SERINC5: variants seen among roughly 807,000 people sequenced by gnomAD.
SERINC5 encodes chromosome 5 open reading frame 12.
A neutral mutation model predicts 63.1 loss-of-function variants in SERINC5; 41 were observed. That is an observed-to-expected ratio of 0.65 (90% CI 0.51 to 0.84). SERINC5 has a LOEUF of 0.84. Among genes scored for constraint, SERINC5 ranks in the 40% least tolerant of loss-of-function variants. The pLI is 0.00. For synonymous variants in SERINC5, 222 were observed against 215.2 expected, an observed-to-expected ratio of 1.03 and a Z score of -0.28; for missense variants, 523 against 573.0, an observed-to-expected ratio of 0.91 and a Z score of 0.89.
At chr5:80,221,762 G>A (rs140049345) in intron 1 of SERINC5, among the ~76,000 whole-genome samples, 182 of 150,096 alleles carry the variant, frequency 1.2e-3, no homozygotes, top group African/African-American at 4.2e-3. Context: ...GCACTCCATT[G>A]GTCTACATTA....
chr5:80,206,768 C>G (rs1416472889), intron 1 of SERINC5, among the ~76,000 whole-genome samples: 1 of 150,452 alleles, frequency 6.6e-6, no homozygotes, highest in Non-Finnish European at 1.5e-5. Context: ...TTCTCTGGGT[C>G]CTGCCTCCTG....
chr5:80,129,584 T>C (rs948088561), intron 11 of SERINC5, among the ~76,000 whole-genome samples: 10 of 152,184 alleles, frequency 6.6e-5, no homozygotes, highest in African/African-American at 2.4e-4. Context: ...GCTGGAATTA[T>C]AGGCATGAGC....
chr5:80,184,796 A>T (rs551698910), intron 2 of SERINC5, among the ~76,000 whole-genome samples: 4 of 152,202 alleles, frequency 2.6e-5, no homozygotes, highest in Admixed American at 6.5e-5. Flanking sequence ...GGGTGAAAGG[A>T]ATGTGCCTGC....
intron 11 of SERINC5, among the ~76,000 whole-genome samples, chr5:80,127,397 G>C (rs1030789064): frequency 6.6e-6 from 1 of 152,182 alleles, no homozygotes; most frequent in East Asian, 1.9e-4. Flanking sequence ...AATACAGACT[G>C]CTGGTCCCAG....
In SERINC5 at chr5:80,181,753, C is replaced by T. The variant is rs571016943; in HGVS notation, c.196-3689G>A. 1.6e-4 allele frequency among the ~76,000 whole-genome samples: 25 copies of T among 152,196 alleles called. No individual in the cohort carries two copies. The South Asian group carries it at 5.2e-3, about 32-fold the overall frequency. ...TAAGTAGATAAACAAGCACAGTCTT[C>T]AACTATCAGTCCTCACTGGAGGACT... On this transcript the variant is annotated intron_variant, in intron 2 of 11. Transcript: ENST00000507668.
chr5:80,156,837 T>C (rs556371859), intron 8 of SERINC5, among the ~76,000 whole-genome samples: 5 of 152,218 alleles, frequency 3.3e-5, no homozygotes, highest in African/African-American at 1.2e-4. Flanking sequence ...CTGCTAGAAA[T>C]AGTGAGAAAA....
intron 11 of SERINC5, among the ~76,000 whole-genome samples, chr5:80,144,497 C>T (rs1477720344): frequency 6.6e-6 from 1 of 152,208 alleles, no homozygotes; most frequent in Non-Finnish European, 1.5e-5. Flanking sequence ...TTCTCCACTT[C>T]CTCGACATTT....
At chr5:80,234,521 C>A (rs1290129674) in intron 1 of SERINC5, among the ~76,000 whole-genome samples, 2 of 152,152 alleles carry the variant, frequency 1.3e-5, no homozygotes, top group East Asian at 3.8e-4. Context: ...TACCACCACT[C>A]CCACCACAAA....
chr5:80,155,937 G>C lies in SERINC5; in HGVS notation c.986+2899C>G, dbSNP rs138756890. On this transcript the variant is annotated intron_variant, in intron 8 of 11. Coordinates refer to ENST00000507668, the MANE Select transcript of SERINC5 (RefSeq NM_001174072.3). The stretch of plus-strand genomic sequence containing the variant: ...GGTTTGGGTTGAGCCCTTCTTCTGA[G>C]CTGAGGCTACAAACATTAAAACATA... Among the ~76,000 whole-genome samples the C allele has an allele frequency of 3.5e-3, 535 of 152,078 alleles. 4 individuals carry two copies. Among genetic ancestry groups the C allele is most frequent in the African/African-American group, 0.012 (500 of 41,466 alleles).
At chr5:80,217,575 C>A (rs1175405779) in intron 1 of SERINC5, among the ~76,000 whole-genome samples, 1 of 152,186 alleles carries the variant, frequency 6.6e-6, no homozygotes, top group African/African-American at 2.4e-5. Flanking sequence ...GAGCTCTTCT[C>A]CCCACCAAAC....
chr5:80,255,882 C>T lies in SERINC5; in HGVS notation c.27+14G>A, dbSNP rs1237472632. On this transcript the variant is annotated intron_variant, in intron 1 of 11. Transcript: ENST00000507668. Reference sequence around the variant, plus strand: ...CGATCTGACAACCCCCGCGCTGCGCCCGGCCTCGCTCACCTGGCCCGCACA... The same window carrying T: ...CGATCTGACAACCCCCGCGCTGCGCTCGGCCTCGCTCACCTGGCCCGCACA... 1.3e-6 allele frequency: 2 copies of T among 1,590,042 alleles called. No homozygotes were observed. Among genetic ancestry groups the T allele is most frequent in the African/African-American group, 1.4e-5 (1 of 72,368 alleles).
At chr5:80,117,368 G>A (rs1354888630) in intron 11 of SERINC5, among the ~76,000 whole-genome samples, 2 of 152,188 alleles carry the variant, frequency 1.3e-5, no homozygotes, top group East Asian at 1.9e-4. Flanking sequence ...GCTTAACTGA[G>A]GTGATCTAGG....
At chr5:80,212,304 C>T (rs750026706) in intron 1 of SERINC5, among the ~76,000 whole-genome samples, 9 of 152,106 alleles carry the variant, frequency 5.9e-5, no homozygotes, top group Non-Finnish European at 1.0e-4. Context: ...GGTTATAGTA[C>T]CAAGGTAATA....
intron 8 of SERINC5, among the ~76,000 whole-genome samples, chr5:80,152,942 A>G (rs1746279514): frequency 6.6e-6 from 1 of 152,208 alleles, no homozygotes; most frequent in South Asian, 2.1e-4. Context: ...ACTCTGTCTC[A>G]AAAAGAAAAA....
At chr5:80,250,513 T>C (rs1399745585) in intron 1 of SERINC5, among the ~76,000 whole-genome samples, 1 of 152,200 alleles carries the variant, frequency 6.6e-6, no homozygotes, top group Non-Finnish European at 1.5e-5. Context: ...AGTTAATTTT[T>C]ATATTTTTAG....
In SERINC5 at chr5:80,166,741, T is replaced by A. The variant is rs551172763; in HGVS notation, c.764-263A>T. 357 of 308,456 alleles carry A rather than the reference T, an allele frequency of 1.2e-3. 1 individual carries two copies. Among genetic ancestry groups the A allele is most frequent in the Non-Finnish European group, 2.0e-3 (325 of 160,960 alleles). 19.1% of individuals were successfully genotyped at this position (308,456 alleles called of 1,614,324 possible). ...ATCTACCAATACTTTATCAAGCCTA[T>A]GGCTACACTTAAAACACACTAACTA... is the stretch of plus-strand genomic sequence containing the variant. On this transcript the variant is annotated intron_variant, in intron 6 of 11. Coordinates refer to ENST00000507668, the MANE Select transcript of SERINC5 (RefSeq NM_001174072.3).
intron 7 of SERINC5, among the ~76,000 whole-genome samples, chr5:80,160,249 C>T (rs1746796754): frequency 6.6e-6 from 1 of 152,168 alleles, no homozygotes; most frequent in Non-Finnish European, 1.5e-5. Context: ...TCACAGAAAC[C>T]TTCTGTGTTG....
At chr5:80,224,817 G>A (rs1751091002) in intron 1 of SERINC5, among the ~76,000 whole-genome samples, 1 of 151,928 alleles carries the variant, frequency 6.6e-6, no homozygotes, top group Non-Finnish European at 1.5e-5. Flanking sequence ...GTAGAGACGG[G>A]GTTTCACCAT....
At chr5:80,111,881 A>G (rs1385297870) in intron 12 of SERINC5, among the ~76,000 whole-genome samples, 1 of 152,186 alleles carries the variant, frequency 6.6e-6, no homozygotes, top group African/African-American at 2.4e-5. Context: ...TGTTGTATGG[A>G]ATTAAGGTTT....
Sources: gnomAD v4.1 joint callset for allele counts (sites outside exome capture counted in the v4.1 genomes callset) on GRCh38, gnomAD v4.1.1 for gene constraint, MANE v1.5 for transcripts, NCBI Gene and HGNC (gene_info 2026-07-23, HGNC 2026-07-21) for gene names.